Variants in ITPR1 observed in about 807,000 individuals in gnomAD.
ITPR1 encodes the protein inositol 1,4,5-trisphosphate receptor type 1, also known as inositol 1,4,5-trisphosphate-gated calcium channel ITPR1.
ITPR1 carries 96 observed loss-of-function variants against 318.4 expected under a neutral mutation model. The observed-to-expected ratio is 0.30, with a 90% confidence interval of 0.26 to 0.36. The LOEUF (loss-of-function observed/expected upper bound fraction) is 0.36, where lower values mean the gene tolerates loss of function less well. Among genes scored for constraint, ITPR1 ranks in the 10% least tolerant of loss-of-function variants. The pLI, the probability that ITPR1 is intolerant of heterozygous loss-of-function variation, is 1.00. For missense variants in ITPR1, 2,440 were observed against 3,460.2 expected (o/e 0.71, Z 7.40); for synonymous variants, 1,312 against 1,289.9 (o/e 1.02, Z -0.37).
At chr3:4,503,763 G>T (rs2081205111) in intron 2 of ITPR1, among the ~76,000 whole-genome samples, 1 of 152,128 alleles carries the variant, frequency 6.6e-6, no homozygotes, top group African/African-American at 2.4e-5. Context: ...CCCTGTCCTT[G>T]AGTGAATTTT....
At chr3:4,499,349 C>T (rs1251597750) in intron 2 of ITPR1, among the ~76,000 whole-genome samples, 1 of 152,148 alleles carries the variant, frequency 6.6e-6, no homozygotes, top group Non-Finnish European at 1.5e-5. Flanking sequence ...CAGTATCTCT[C>T]ATTTGGTAAA....
chr3:4,669,614 C>T (rs971610112), intron 18 of ITPR1, 40 bp from the exon 19 acceptor site: 3 of 1,570,596 alleles, frequency 1.9e-6, no homozygotes, highest in African/African-American at 1.4e-5. Flanking sequence ...CTAACCTCTG[C>T]TCTATCTACA....
chr3:4,525,747 T>C (rs2082928773), intron 4 of ITPR1, among the ~76,000 whole-genome samples: 1 of 152,234 alleles, frequency 6.6e-6, no homozygotes, highest in Non-Finnish European at 1.5e-5. Flanking sequence ...CTTGAAAGAA[T>C]AGAGAAGGCA....
At chr3:4,652,880 T>C (rs2125172703) in intron 11 of ITPR1, among the ~76,000 whole-genome samples, 1 of 152,014 alleles carries the variant, frequency 6.6e-6, no homozygotes, top group Middle Eastern at 3.4e-3. Context: ...CCCAGCTACT[T>C]GGGAGGGTGA....
intron 44 of ITPR1, among the ~76,000 whole-genome samples, chr3:4,746,025 CAG>C (rs2044081978): frequency 6.6e-6 from 1 of 152,214 alleles, no homozygotes; most frequent in Admixed American, 6.5e-5. Context: ...ACTGTGAATT[CAG>C]AGTGGCCCAG....
intron 5 of ITPR1, 54 bp downstream of exon 5, chr3:4,627,932 G>A: frequency 9.4e-7 from 1 of 1,063,364 alleles, no homozygotes; most frequent in African/African-American, 1.6e-5. Context: ...CTGCCTTGGT[G>A]GTATCTGGGT....
In ITPR1 at chr3:4,801,801, A is replaced by T. The variant is rs190568977; in HGVS notation, c.7107+1201A>T. Among the ~76,000 whole-genome samples the T allele has an allele frequency of 7.3e-3, 1,108 of 151,810 alleles. 8 individuals carry two copies. The highest frequency in any genetic ancestry group is 0.011 in the Non-Finnish European group (741 of 67,926). On this transcript the variant is annotated intron_variant, in intron 54 of 61. Coordinates refer to ENST00000649015, the MANE Select transcript of ITPR1 (RefSeq NM_001378452.1). ...ATGAACAAATAAATAAATAATTTTT[A>T]AAAAAAAGGGAATGGAGAGGATCTG...
intron 42 of ITPR1, among the ~76,000 whole-genome samples, chr3:4,730,269 G>C (rs2042817309): frequency 8.1e-6 from 1 of 122,862 alleles, no homozygotes; most frequent in Non-Finnish European, 1.7e-5. Flanking sequence ...CTTCCTTGCA[G>C]TTTAATTGTG....
intron 37 of ITPR1, among the ~76,000 whole-genome samples, chr3:4,706,719 G>C (rs1448393128): frequency 6.6e-6 from 1 of 152,168 alleles, no homozygotes; most frequent in Non-Finnish European, 1.5e-5. Context: ...ATCAGCAGGT[G>C]AACAAGGGTG....
chr3:4,758,966 G>A (rs2125359858), intron 44 of ITPR1, among the ~76,000 whole-genome samples: 1 of 152,362 alleles, frequency 6.6e-6, no homozygotes, highest in Admixed American at 6.5e-5. Flanking sequence ...GAGCTACTCA[G>A]ATGCAAAGTG....
At chr3:4,754,820 G>A (rs2044829181) in intron 44 of ITPR1, among the ~76,000 whole-genome samples, 2 of 152,146 alleles carry the variant, frequency 1.3e-5, no homozygotes, top group East Asian at 1.9e-4. Context: ...TTTTGATGTT[G>A]CATCTATTTT....
rs2041240879 is a variant in ITPR1 at position 4,710,103 on chromosome 3, G to T, written c.4843-222G>T. Among the ~76,000 whole-genome samples, 1 of 152,204 alleles carries T rather than the reference G, an allele frequency of 6.6e-6. No homozygotes were observed. On this transcript the variant is annotated intron_variant, in intron 37 of 61. Transcript: ENST00000649015. This position sits in a 1 kb window ranked among gnomAD's most constrained non-coding sequence, Gnocchi z 4.2. ...TAAGGGCCACCTTGAAAGAAGGGGT[G>T]GTGGGAAAGTTGACTTGTTTTCACT...
chr3:4,664,618 T>TTA (rs2093907565), intron 16 of ITPR1, among the ~76,000 whole-genome samples: 1 of 152,272 alleles, frequency 6.6e-6, no homozygotes, highest in Non-Finnish European at 1.5e-5. Flanking sequence ...TCTGGCTTAA[T>TTA]GCCCATGCTC....
At chr3:4,536,570 G>A (rs1408875953) in intron 4 of ITPR1, among the ~76,000 whole-genome samples, 6 of 152,226 alleles carry the variant, frequency 3.9e-5, no homozygotes, top group Non-Finnish European at 7.3e-5. Context: ...TATGAAGAGA[G>A]ATGAGTGAGA....
At chr3:4,500,387 G>A (rs116728445) in intron 2 of ITPR1, among the ~76,000 whole-genome samples, 2,805 of 151,930 alleles carry the variant, frequency 0.018, 87 homozygotes, top group African/African-American at 0.064. Flanking sequence ...TTTTTTGTAG[G>A]GACGGGATCT....
chr3:4,518,499 C>T (rs2082322203), intron 3 of ITPR1, among the ~76,000 whole-genome samples: 1 of 152,132 alleles, frequency 6.6e-6, no homozygotes, highest in Non-Finnish European at 1.5e-5. Flanking sequence ...TTGAGGATAG[C>T]AGTGTAAAAA....
At chr3:4,627,544 G>A (rs2092873198) in intron 4 of ITPR1, among the ~76,000 whole-genome samples, 1 of 152,092 alleles carries the variant, frequency 6.6e-6, no homozygotes, top group Non-Finnish European at 1.5e-5. Context: ...AAGTGGTTCT[G>A]TAGAACAATC....
At position 4,782,666 on chromosome 3, in the gene ITPR1, G is replaced by C; in HGVS notation, c.6435G>C (p.Glu2145Asp). The change falls in exon 50 of 62, where the codon GAG becomes GAC. Residue 2145 changes from glutamate to aspartate, a missense_variant. This residue lies in a region of ITPR1 where 49 missense variants were observed against 47.2 expected (regional missense o/e 1.04). Coordinates refer to ENST00000649015, the MANE Select transcript of ITPR1 (RefSeq NM_001378452.1). ...KAYMQGEVEFEDGENGEDGAA... is the reference protein window; with the variant it reads ...KAYMQGEVEFDDGENGEDGAA... ...ACATGCAAGGTGAAGTGGAATTTGA[G>C]GATGGAGAAAACGGTGAGGATGGGG... 1.9e-6 allele frequency: 3 copies of C among 1,604,746 alleles called. No homozygotes were observed. The highest frequency in any genetic ancestry group is 2.6e-6 in the Non-Finnish European group (3 of 1,175,028).
intron 4 of ITPR1, among the ~76,000 whole-genome samples, chr3:4,590,518 C>A (rs2090309353): frequency 6.7e-6 from 1 of 149,600 alleles, no homozygotes; most frequent in Non-Finnish European, 1.5e-5. Flanking sequence ...GTATTTTGTT[C>A]TTCTTAATAA....
Sources: allele counts gnomAD v4.1 joint callset (sites outside exome capture counted in the v4.1 genomes callset), GRCh38; gene constraint gnomAD v4.1.1; regional missense constraint gnomAD v4.1.1; non-coding constraint Gnocchi (gnomAD v3.1); transcripts MANE v1.5; gene names NCBI Gene and HGNC (gene_info 2026-07-23, HGNC 2026-07-21).